Variants in PLOD2 observed in about 807,000 individuals in gnomAD.
PLOD2 encodes the protein procollagen-lysine,2-oxoglutarate 5-dioxygenase 2.
In PLOD2, 65 loss-of-function variants were observed where a neutral mutation model predicts 101.0. That is an observed-to-expected ratio of 0.64 (90% CI 0.53 to 0.79). The LOEUF (loss-of-function observed/expected upper bound fraction) is 0.79. Ranked by LOEUF, PLOD2 falls within the 30% of genes least tolerant of loss-of-function variation. The pLI is 0.00. For synonymous variants in PLOD2, 314 were observed against 302.9 expected, an observed-to-expected ratio of 1.04 and a Z score of -0.38; for missense variants, 909 against 914.6, an observed-to-expected ratio of 0.99 and a Z score of 0.08.
intron 11 of PLOD2, among the ~76,000 whole-genome samples, chr3:146,082,654 A>G (rs1182322412): frequency 6.6e-6 from 1 of 152,174 alleles, no homozygotes; most frequent in East Asian, 1.9e-4. Flanking sequence ...GCACTTTGGG[A>G]AGCCGAGGCG....
intron 7 of PLOD2, among the ~76,000 whole-genome samples, chr3:146,101,147 C>T (rs1248304335): frequency 6.6e-6 from 1 of 152,090 alleles, no homozygotes; most frequent in African/African-American, 2.4e-5. Context: ...AAATCTACCA[C>T]TTGAGTATTC....
chr3:146,084,456 A>G (rs539392199), intron 11 of PLOD2, among the ~76,000 whole-genome samples: 1 of 152,160 alleles, frequency 6.6e-6, no homozygotes, highest in Non-Finnish European at 1.5e-5. Flanking sequence ...AAATAAAAAC[A>G]ATCATTCTAA....
intron 3 of PLOD2, among the ~76,000 whole-genome samples, chr3:146,116,339 C>A (rs1199203504): frequency 6.6e-6 from 1 of 151,378 alleles, no homozygotes; most frequent in Non-Finnish European, 1.5e-5. Flanking sequence ...ATGATAAAAT[C>A]ACAATAAAAT....
chr3:146,086,905 C>A lies in PLOD2; in HGVS notation c.1009G>T (p.Val337Phe). The part of the protein sequence containing the change: ...ALKLFIHNKE[V>F]YHEKDIKVFF... ...ACCTTGATGTCCTTTTCATGATAAA[C>A]TTCCTGTAACATATTTTAAAAATCA... Residue 337 changes from valine to phenylalanine, a missense_variant, in exon 10 of 20, where the codon GTT (valine) becomes TTT (phenylalanine). Val to Phe is a conservative substitution (Grantham distance 50). Coordinates refer to ENST00000282903, the MANE Select transcript of PLOD2 (RefSeq NM_182943.3). 1 of 1,490,578 alleles carries A rather than the reference C, an allele frequency of 6.7e-7. No individual in the cohort carries two copies. Among genetic ancestry groups the A allele is most frequent in the East Asian group, 2.3e-5 (1 of 43,364 alleles). 92.3% of individuals were successfully genotyped at this position (1,490,578 alleles called of 1,614,324 possible). A position where few individuals can be genotyped will look rare whatever the true frequency, so the allele number is the denominator to read the frequency against.
At chr3:146,122,570 G>A (rs941629022) in intron 2 of PLOD2, among the ~76,000 whole-genome samples, 1 of 152,130 alleles carries the variant, frequency 6.6e-6, no homozygotes, top group Non-Finnish European at 1.5e-5. Flanking sequence ...GTCTGAGGGG[G>A]AGCCTGATTA....
At chr3:146,139,129 G>A (rs953226977) in intron 1 of PLOD2, among the ~76,000 whole-genome samples, 2 of 152,050 alleles carry the variant, frequency 1.3e-5, no homozygotes, top group African/African-American at 4.8e-5. Flanking sequence ...GACAAGGAAC[G>A]GTAGTAAAGG....
chr3:146,144,971 T>C (rs2031707317), intron 1 of PLOD2, among the ~76,000 whole-genome samples: 1 of 152,134 alleles, frequency 6.6e-6, no homozygotes, highest in South Asian at 2.1e-4. Context: ...TTATTGTCAT[T>C]GTAACCGAAA....
At chr3:146,127,441 A>T (rs533837361) in intron 1 of PLOD2, among the ~76,000 whole-genome samples, 2 of 152,196 alleles carry the variant, frequency 1.3e-5, no homozygotes, top group Middle Eastern at 6.8e-3. Flanking sequence ...TCGGTTTTCC[A>T]AGTTAGCTCA....
At chr3:146,118,461 A>G (rs1938022991) in intron 3 of PLOD2, among the ~76,000 whole-genome samples, 1 of 132,990 alleles carries the variant, frequency 7.5e-6, no homozygotes, top group Admixed American at 7.9e-5. Flanking sequence ...ATTTATACTA[A>G]TGCATAAAAA....
intron 15 of PLOD2, chr3:146,075,964 TC>T (rs1322378582): frequency 7.9e-5 from 12 of 151,738 alleles, no homozygotes; most frequent in Non-Finnish European, 1.8e-4. Flanking sequence ...GCTTTTGGAT[TC>T]AGGGAGTATA....
rs369524297 is a variant in PLOD2, at chr3:146,076,577, G to A, written c.1677+205C>T. The A allele has an allele frequency of 3.0e-4, 118 of 395,462 alleles. No individual in the cohort carries two copies. In the South Asian group the frequency reaches 3.1e-3, roughly 10 times the overall value. The allele number at this position is 395,462 out of a possible 1,614,324, so 24.5% of individuals were successfully genotyped here. On this transcript the variant is annotated intron_variant, in intron 15 of 19. Coordinates refer to ENST00000282903, the MANE Select transcript of PLOD2 (RefSeq NM_182943.3). ...AACGTACAAGCATTCCCTTTTCTCCGTAGCCTCACCCATATCTGTTGTTTT... is the reference window on the plus strand; with the variant it reads ...AACGTACAAGCATTCCCTTTTCTCCATAGCCTCACCCATATCTGTTGTTTT...
chr3:146,138,412 C>G (rs990883610), intron 1 of PLOD2, among the ~76,000 whole-genome samples: 4 of 151,702 alleles, frequency 2.6e-5, no homozygotes, highest in Non-Finnish European at 5.9e-5. Flanking sequence ...CATAGAGTGT[C>G]GCAGGGAGTC....
At chr3:146,106,833 A>G (rs1432420416) in intron 4 of PLOD2, among the ~76,000 whole-genome samples, 189 bp from the exon 5 acceptor site, 1 of 152,236 alleles carries the variant, frequency 6.6e-6, no homozygotes, top group Non-Finnish European at 1.5e-5. Context: ...ATAAACTCCA[A>G]TAGAGTGTTT....
intron 7 of PLOD2, among the ~76,000 whole-genome samples, chr3:146,101,742 G>A (rs1937395502): frequency 6.6e-6 from 1 of 152,166 alleles, no homozygotes; most frequent in African/African-American, 2.4e-5. Context: ...GCTTGGTTTG[G>A]TTTCATTTGT....
At chr3:146,136,506 T>C (rs937359209) in intron 1 of PLOD2, among the ~76,000 whole-genome samples, 1 of 152,196 alleles carries the variant, frequency 6.6e-6, no homozygotes, top group Non-Finnish European at 1.5e-5. Flanking sequence ...AATTTCATGT[T>C]GAGACTTGGG....
chr3:146,110,265 T>C lies in PLOD2; in HGVS notation c.502+20A>G. 6.2e-7 allele frequency: 1 copy of C among 1,609,166 alleles called. No homozygotes were observed. Among genetic ancestry groups the C allele is most frequent in the Non-Finnish European group, 8.5e-7 (1 of 1,175,810 alleles). On this transcript the variant is annotated intron_variant, in intron 4 of 19. Transcript: ENST00000282903. ...GTCTTTATAACTTGCATTAAACTTTTCTTCCAGTATCTAACTCACCTCCTG... is the reference window on the plus strand; with the variant it reads ...GTCTTTATAACTTGCATTAAACTTTCCTTCCAGTATCTAACTCACCTCCTG...
intron 3 of PLOD2, among the ~76,000 whole-genome samples, chr3:146,115,038 T>C (rs1937840081): frequency 6.6e-6 from 1 of 152,190 alleles, no homozygotes; most frequent in South Asian, 2.1e-4. Context: ...ACTTGCTGGT[T>C]TTGCGGCTTG....
At chr3:146,154,326 T>C (rs934520457) in intron 1 of PLOD2, among the ~76,000 whole-genome samples, 4 of 152,112 alleles carry the variant, frequency 2.6e-5, no homozygotes, top group African/African-American at 9.7e-5. Flanking sequence ...AATACAGTAG[T>C]TCTTCAACCA....
intron 1 of PLOD2, among the ~76,000 whole-genome samples, chr3:146,141,309 T>C (rs1275588540): frequency 2.0e-5 from 3 of 152,112 alleles, no homozygotes; most frequent in African/African-American, 4.8e-5. Context: ...TCTTGCAGTT[T>C]ACTTAAACTG....
Sources: gnomAD v4.1 joint callset for allele counts (sites outside exome capture counted in the v4.1 genomes callset) on GRCh38, gnomAD v4.1.1 for gene constraint, MANE v1.5 for transcripts, NCBI Gene and HGNC (gene_info 2026-07-23, HGNC 2026-07-21) for gene names.